KIF14: variants seen among roughly 807,000 people sequenced by gnomAD.
KIF14 encodes kinesin family member 14.
KIF14 carries 98 observed loss-of-function variants against 176.2 expected under a neutral mutation model. That is an observed-to-expected ratio of 0.56 (90% CI 0.47 to 0.66). The LOEUF (loss-of-function observed/expected upper bound fraction) is 0.66, where lower values mean the gene tolerates loss of function less well. Among genes scored for constraint, KIF14 ranks in the 30% least tolerant of loss-of-function variants. The probability of loss-of-function intolerance (pLI) is 0.00; values close to 1 mark genes in which losing one functional copy is unlikely to be tolerated. For synonymous variants in KIF14, 566 were observed against 632.2 expected, an observed-to-expected ratio of 0.90 and a Z score of 1.57; for missense variants, 1,751 against 1,920.4, an observed-to-expected ratio of 0.91 and a Z score of 1.65.
At chr1:200,568,194 G>C (rs1657575309) in intron 23 of KIF14, among the ~76,000 whole-genome samples, 1 of 151,994 alleles carries the variant, frequency 6.6e-6, no homozygotes, top group Admixed American at 6.6e-5. Context: ...TTCACACGTG[G>C]GTTTCCATTA....
chr1:200,596,307 T>C (rs1434402112), intron 14 of KIF14, among the ~76,000 whole-genome samples: 1 of 152,130 alleles, frequency 6.6e-6, no homozygotes, highest in Non-Finnish European at 1.5e-5. Context: ...CATGGGGTAT[T>C]AGTAGGAAGA....
intron 14 of KIF14, among the ~76,000 whole-genome samples, chr1:200,595,268 G>A (rs1238090040): frequency 9.9e-6 from 1 of 100,662 alleles, no homozygotes; most frequent in Non-Finnish European, 2.4e-5. Flanking sequence ...TAAGTATGCA[G>A]TACTCATAAC....
At position 200,590,292 on chromosome 1, in the gene KIF14, T is replaced by A. The variant is rs772843877; in HGVS notation, c.2814-20A>T. The A allele has an allele frequency of 6.2e-7, 1 of 1,602,820 alleles. No homozygotes were observed. The highest frequency in any genetic ancestry group is 8.5e-7 in the Non-Finnish European group (1 of 1,175,258). On this transcript the variant is annotated intron_variant, in intron 16 of 29. Transcript: ENST00000367350. ...TCAAGTCTACAATGTAGCAAGATGT[T>A]TATAGGGTACATGTTAAGAATTCTT...
At chr1:200,564,787 C>T (rs926363961) in intron 25 of KIF14, among the ~76,000 whole-genome samples, 1 of 152,150 alleles carries the variant, frequency 6.6e-6, no homozygotes, top group African/African-American at 2.4e-5. Flanking sequence ...CCTCCATTTC[C>T]TCATCTACAA....
intron 19 of KIF14, among the ~76,000 whole-genome samples, chr1:200,584,516 G>C (rs149151686): frequency 2.0e-5 from 3 of 152,194 alleles, no homozygotes; most frequent in Non-Finnish European, 2.9e-5. Context: ...CCATGATCAA[G>C]TGGGGTTTAT....
chr1:200,611,129 CAGTT>C (rs1222455801), intron 4 of KIF14, among the ~76,000 whole-genome samples: 2 of 152,142 alleles, frequency 1.3e-5, no homozygotes, highest in Non-Finnish European at 2.9e-5. Flanking sequence ...GCTCTTCTGA[CAGTT>C]AGGGCATGGT....
intron 22 of KIF14, among the ~76,000 whole-genome samples, chr1:200,573,213 AAT>A (rs2102622121): frequency 6.6e-6 from 1 of 152,218 alleles, no homozygotes; most frequent in South Asian, 2.1e-4. Flanking sequence ...GACCTCACTT[AAT>A]CTTAATAGTA....
rs1657404524 is a variant in KIF14, at chr1:200,565,590, A to G, written c.3741T>C (p.Gly1247=). 1.2e-6 allele frequency: 2 copies of G among 1,612,486 alleles called. No individual in the cohort carries two copies. The highest frequency in any genetic ancestry group is 1.8e-4 in the Middle Eastern group (1 of 5,506). The change falls in exon 24 of 30, where the codon GGT becomes GGC. Residue 1247 remains glycine, a synonymous_variant. Coordinates refer to ENST00000367350, the MANE Select transcript of KIF14 (RefSeq NM_014875.3). ...FLPGICKELI[G]SSLDFFGQSY... Reference sequence around the variant, plus strand: ...TCTGTCCAAAAAAATCTAACGAAGAACCAATCAATTCTTTGCAAATTCCAG... The same window carrying G: ...TCTGTCCAAAAAAATCTAACGAAGAGCCAATCAATTCTTTGCAAATTCCAG...
At chr1:200,609,533 C>T (rs1660050391) in intron 4 of KIF14, among the ~76,000 whole-genome samples, 1 of 152,176 alleles carries the variant, frequency 6.6e-6, no homozygotes, top group Admixed American at 6.5e-5. Context: ...CCTGTAATCC[C>T]AGGTACTCGG....
At chr1:200,563,694 G>A (rs1240487633) in intron 25 of KIF14, among the ~76,000 whole-genome samples, 3 of 151,952 alleles carry the variant, frequency 2.0e-5, no homozygotes, top group Admixed American at 6.6e-5. Context: ...CACTGTACTC[G>A]GCCATTAATT....
In KIF14 at chr1:200,586,075, G is replaced by T. The variant is rs58696327; in HGVS notation, c.3241+26C>A. The T allele has an allele frequency of 0.19, 263,549 of 1,423,100 alleles. 28,211 individuals carry two copies. The highest frequency in any genetic ancestry group is 0.45 in the African/African-American group (30,904 of 69,144). The allele number at this position is 1,423,100 out of a possible 1,614,324, so 88.2% of individuals were successfully genotyped here. The stretch of plus-strand genomic sequence containing the variant: ...TATAACATGCATAATTTTAGAAAAT[G>T]TTTGCTAAAATCAGCACACACTTAC... On this transcript the variant is annotated intron_variant, in intron 19 of 29. Coordinates refer to ENST00000367350, the MANE Select transcript of KIF14 (RefSeq NM_014875.3).
chr1:200,564,357 G>A (rs1657327960), intron 25 of KIF14, among the ~76,000 whole-genome samples: 1 of 151,980 alleles, frequency 6.6e-6, no homozygotes, highest in Non-Finnish European at 1.5e-5. Context: ...TCCATAGTGG[G>A]TCATGAAATC....
intron 19 of KIF14, among the ~76,000 whole-genome samples, chr1:200,582,687 T>TA (rs1017446983): frequency 2.0e-5 from 3 of 151,966 alleles, no homozygotes; most frequent in Non-Finnish European, 4.4e-5. Context: ...CTGTTTCTAC[T>TA]AAAAATACAA....
chr1:200,587,012 C>A (rs1316374673), intron 18 of KIF14, among the ~76,000 whole-genome samples: 1 of 152,006 alleles, frequency 6.6e-6, no homozygotes, highest in Non-Finnish European at 1.5e-5. Flanking sequence ...GGTCCCCAAC[C>A]TTTTGGCACC....
intron 14 of KIF14, among the ~76,000 whole-genome samples, chr1:200,596,708 G>A (rs1247371208): frequency 6.6e-6 from 1 of 151,322 alleles, no homozygotes; most frequent in African/African-American, 2.4e-5. Context: ...GAGACTATAG[G>A]TGCCCACCAC....
chr1:200,600,527 TTAA>T, intron 11 of KIF14, 24 bp from the exon 12 acceptor site: 1 of 1,539,526 alleles, frequency 6.5e-7, no homozygotes, highest in Non-Finnish European at 9.0e-7. Context: ...CAAAGATGCA[TTAA>T]TAATAACATT....
intron 13 of KIF14, among the ~76,000 whole-genome samples, chr1:200,599,753 T>C (rs1306665367): frequency 2.6e-5 from 4 of 152,236 alleles, no homozygotes; most frequent in Non-Finnish European, 4.4e-5. Context: ...TCACCTTGGC[T>C]TCCCCTGTTC....
At chr1:200,615,719 G>A (rs566817769) in intron 2 of KIF14, 110 bp from the exon 3 acceptor site, 1 of 953,264 alleles carries the variant, frequency 1.0e-6, no homozygotes, top group African/African-American at 1.7e-5. Flanking sequence ...TCCAAGGCAA[G>A]ATAATTCTGT....
At chr1:200,599,974 A>T (rs1659543655) in intron 13 of KIF14, 76 bp downstream of exon 13, 1 of 829,280 alleles carries the variant, frequency 1.2e-6, no homozygotes. Flanking sequence ...ATTTACATGC[A>T]TTGGCATATT....
Sources: gnomAD v4.1 joint callset for allele counts (sites outside exome capture counted in the v4.1 genomes callset) on GRCh38, gnomAD v4.1.1 for gene constraint, MANE v1.5 for transcripts, NCBI Gene and HGNC (gene_info 2026-07-23, HGNC 2026-07-21) for gene names.